Variants in IRAG2 observed in about 807,000 individuals in gnomAD.
IRAG2 encodes the protein inositol 1,4,5-triphosphate receptor associated 2.
IRAG2 carries 45 observed loss-of-function variants against 69.9 expected under a neutral mutation model. That is an observed-to-expected ratio of 0.64 (90% confidence interval 0.51 to 0.83). The LOEUF is 0.83. Ranked by LOEUF, IRAG2 falls within the 40% of genes least tolerant of loss-of-function variation. The pLI is 0.00. For missense variants in IRAG2, 520 were observed against 587.0 expected, an observed-to-expected ratio of 0.89 and a Z score of 1.18; for synonymous variants, 193 against 202.4, an observed-to-expected ratio of 0.95 and a Z score of 0.40.
Position 25,029,913 on chromosome 12 carries a change from T to A in IRAG2, c.1462-365T>A, listed in dbSNP as rs142141444. Reference sequence around the variant, plus strand: ...ATGGAATCTCTATGTTCATATTGTATCTAGACTTTTTATTTTCACCAAAAA... The same window carrying A: ...ATGGAATCTCTATGTTCATATTGTAACTAGACTTTTTATTTTCACCAAAAA... On this transcript the variant is annotated intron_variant, in intron 9 of 38. Transcript: ENST00000636465. 4.5e-3 allele frequency among the ~76,000 whole-genome samples: 686 copies of A among 152,328 alleles called. 5 individuals carry two copies. The highest frequency in any genetic ancestry group is 0.016 in the African/African-American group (661 of 41,580).
At chr12:25,028,554 TTA>T (rs1351523180) in intron 9 of IRAG2, among the ~76,000 whole-genome samples, 1 of 152,182 alleles carries the variant, frequency 6.6e-6, no homozygotes, top group Non-Finnish European at 1.5e-5. Context: ...TATTAAGAAA[TTA>T]TACCTTACAA....
chr12:25,101,465 T>C (rs2140240003), intron 16 of IRAG2, 140 bp downstream of exon 16: 2 of 620,082 alleles, frequency 3.2e-6, no homozygotes, highest in South Asian at 3.8e-5. Flanking sequence ...CTGTTATTTA[T>C]ATAGCTAAAA....
At chr12:25,005,189 A>T in intron 1 of IRAG2, 1 of 914,884 alleles carries the variant, frequency 1.1e-6, no homozygotes, top group Non-Finnish European at 1.4e-6. Flanking sequence ...AAGGAAAATT[A>T]ATCATTATAG....
intron 6 of IRAG2, among the ~76,000 whole-genome samples, chr12:25,078,609 C>A (rs1293911608): frequency 6.6e-6 from 1 of 152,148 alleles, no homozygotes; most frequent in Non-Finnish European, 1.5e-5. Context: ...GAAAGTTGTA[C>A]AACTTTAATG....
rs146161121 is a variant in IRAG2 at position 25,031,053 on chromosome 12, G to A, written c.1518+719G>A. ...GTTACGGTAACTTTAAGAGACACAG[G>A]AAGGAACACAGCCTCAGTCAATAAT... On this transcript the variant is annotated intron_variant, in intron 10 of 38. Coordinates refer to the IRAG2 transcript ENST00000636465. 72 of 985,364 alleles carry A rather than the reference G, an allele frequency of 7.3e-5. No homozygotes were observed. The African/African-American group carries it at 1.2e-3, about 16-fold the overall frequency. The allele number at this position is 985,364 out of a possible 1,614,324, so 61.0% of individuals were successfully genotyped here. A position where few individuals can be genotyped will look rare whatever the true frequency, so the allele number is the denominator to read the frequency against.
chr12:25,050,166 G>GTGAGGA (rs1232766712), upstream of IRAG2, among the ~76,000 whole-genome samples: 3 of 151,622 alleles, frequency 2.0e-5, no homozygotes, highest in Admixed American at 6.6e-5. Context: ...AAAAGTGTTG[G>GTGAGGA]TGAGGATGTA....
chr12:25,099,867 G>T (rs1948643394), intron 15 of IRAG2, among the ~76,000 whole-genome samples: 1 of 151,772 alleles, frequency 6.6e-6, no homozygotes, highest in Non-Finnish European at 1.5e-5. Context: ...AGGTGTGGTG[G>T]CACGTGCCTA....
intron 14 of IRAG2, among the ~76,000 whole-genome samples, chr12:25,091,650 G>GTAATTATA (rs150888399): frequency 0.34 from 51,342 of 151,386 alleles, 9,300 homozygotes; most frequent in African/African-American, 0.46. Context: ...AGGTCATATA[G>GTAATTATA]TAATTATATT....
At position 25,102,102 on chromosome 12, in the gene IRAG2, T is replaced by C. The variant is rs1266480933; in HGVS notation, c.890-96T>C. On this transcript the variant is annotated intron_variant, in intron 16 of 21. Transcript: ENST00000556887. Reference sequence around the variant, plus strand: ...GGTAGTCTCTAAAGTCTTAATATCTTCTGAATTTTGCTTTACCTTTAAAGA... The same window carrying C: ...GGTAGTCTCTAAAGTCTTAATATCTCCTGAATTTTGCTTTACCTTTAAAGA... 8.2e-6 allele frequency: 7 copies of C among 856,362 alleles called. No homozygotes were observed. The East Asian group carries it at 1.3e-4, about 16-fold the overall frequency. The allele number at this position is 856,362 out of a possible 1,614,324, so 53.0% of individuals were successfully genotyped here.
chr12:25,086,392 T>G (rs1228597648), intron 10 of IRAG2, among the ~76,000 whole-genome samples: 1 of 152,074 alleles, frequency 6.6e-6, no homozygotes, highest in African/African-American at 2.4e-5. Flanking sequence ...TAAAATAAGA[T>G]CAGTTTGAGA....
intron 3 of IRAG2, among the ~76,000 whole-genome samples, chr12:25,014,375 C>A (rs927213301): frequency 6.6e-6 from 1 of 152,128 alleles, no homozygotes; most frequent in Non-Finnish European, 1.5e-5. Context: ...CGAGAATAGT[C>A]AGAACTCTGT....
At chr12:25,015,156 T>TG (rs1944515451) in intron 3 of IRAG2, 7 of 255,388 alleles carry the variant, frequency 2.7e-5, no homozygotes, top group Non-Finnish European at 2.3e-5. Context: ...ACTGGTTTTG[T>TG]TTTTTTTTTT....
intron 16 of IRAG2, among the ~76,000 whole-genome samples, chr12:25,042,213 G>A (rs528716055): frequency 6.6e-6 from 1 of 152,202 alleles, no homozygotes; most frequent in African/African-American, 2.4e-5. Context: ...AGAAAGAGAG[G>A]AGTCATCCTT....
chr12:25,072,845 G>T (rs995816016), intron 6 of IRAG2, among the ~76,000 whole-genome samples: 2 of 152,246 alleles, frequency 1.3e-5, no homozygotes, highest in Non-Finnish European at 2.9e-5. Flanking sequence ...AGCCTATATT[G>T]TCAGAATATA....
chr12:25,008,034 A>G (rs753635460), intron 2 of IRAG2, among the ~76,000 whole-genome samples: 2 of 152,184 alleles, frequency 1.3e-5, no homozygotes, highest in Non-Finnish European at 2.9e-5. Context: ...AGTAATGGCA[A>G]AAACCACAAC....
chr12:25,017,138 G>A (rs941871048), exon 6 of IRAG2: 13 of 1,231,862 alleles, frequency 1.1e-5, no homozygotes, highest in African/African-American at 3.1e-5. Flanking sequence ...TTGCAGAGAG[G>A]TGTCTGATTT....
intron 14 of IRAG2, 65 bp downstream of exon 14, chr12:25,090,262 A>G: frequency 6.7e-7 from 1 of 1,498,212 alleles, no homozygotes; most frequent in South Asian, 1.2e-5. Flanking sequence ...TCACACCTAT[A>G]ATCCCTGCAC....
intron 6 of IRAG2, among the ~76,000 whole-genome samples, chr12:25,077,174 C>CATATATATATCATATATATGAA (rs1565562030): frequency 2.8e-5 from 1 of 35,872 alleles, no homozygotes; most frequent in Non-Finnish European, 6.5e-5. Context: ...TTGTTCATTT[C>CATATATATATCATATATATGAA]ATATATATAT....
At position 25,097,139 on chromosome 12, in the gene IRAG2, A is replaced by G. The variant is rs1481905055; in HGVS notation, c.741+95A>G. The G allele has an allele frequency of 3.9e-6, 5 of 1,279,582 alleles. No homozygotes were observed. In the South Asian group the frequency reaches 6.6e-5, roughly 17 times the overall value. The allele number at this position is 1,279,582 out of a possible 1,614,324, so 79.3% of individuals were successfully genotyped here. On this transcript the variant is annotated intron_variant, in intron 15 of 21. Transcript: ENST00000556887. ...TTTCTCACTTCTAGGAATAAGTTTTAAAAAATACTTTTGTTGTATAAGACA... is the reference window on the plus strand; with the variant it reads ...TTTCTCACTTCTAGGAATAAGTTTTGAAAAATACTTTTGTTGTATAAGACA...
Sources: gnomAD v4.1 joint callset for allele counts (sites outside exome capture counted in the v4.1 genomes callset) on GRCh38, gnomAD v4.1.1 for gene constraint, MANE v1.5 for transcripts, NCBI Gene and HGNC (gene_info 2026-07-23, HGNC 2026-07-21) for gene names.